Variants in OTOGL observed in about 807,000 individuals in gnomAD.
OTOGL encodes the protein otogelin like.
Under a neutral mutation model 318.5 loss-of-function variants are expected in OTOGL, and 285 were observed. The observed-to-expected ratio is 0.89, with a 90% CI of 0.81 to 0.99. OTOGL has a LOEUF of 0.99. Among genes scored for constraint, OTOGL ranks in the 50% least tolerant of loss-of-function variants. The pLI, the probability that OTOGL is intolerant of heterozygous loss-of-function variation, is 0.00. For synonymous variants in OTOGL, 987 were observed against 936.5 expected (o/e 1.05, Z -0.99); for missense variants, 2,899 against 2,845.6 (o/e 1.02, Z -0.43).
At chr12:80,143,203 G>A (rs1220437019) in intron 1 of OTOGL, among the ~76,000 whole-genome samples, 1 of 152,050 alleles carries the variant, frequency 6.6e-6, no homozygotes, top group Admixed American at 6.6e-5. Flanking sequence ...TGATAATAGG[G>A]TGCTACCCCA....
intron 1 of OTOGL, among the ~76,000 whole-genome samples, chr12:80,149,394 A>C (rs1872623115): frequency 6.6e-6 from 1 of 152,214 alleles, no homozygotes; most frequent in African/African-American, 2.4e-5. Flanking sequence ...GTCAGGGGTC[A>C]GGGACCCACT....
At chr12:80,198,960 T>G (rs1876276124) in intron 1 of OTOGL, among the ~76,000 whole-genome samples, 1 of 152,212 alleles carries the variant, frequency 6.6e-6, no homozygotes. Context: ...TGAGTGATCT[T>G]GAAATTAAAA....
chr12:80,285,630 T>C (rs1273426579), intron 26 of OTOGL, among the ~76,000 whole-genome samples: 2 of 152,156 alleles, frequency 1.3e-5, no homozygotes, highest in Non-Finnish European at 2.9e-5. Context: ...TTTATTTTCT[T>C]TATAGCAATT....
Position 80,358,862 on chromosome 12 carries a change from T to G in OTOGL, c.6229T>G (p.Cys2077Gly), listed in dbSNP as rs145929269. ...GQCCPTWHCE[C>G]NCENLIMPTC... Reference sequence around the variant, plus strand: ...ATATGTTGATTTTTGCCTTTTAGAATGTAACTGTGAAAACCTTATTATGCC... The same window carrying G: ...ATATGTTGATTTTTGCCTTTTAGAAGGTAACTGTGAAAACCTTATTATGCC... The change falls in exon 52 of 59, where the codon TGT (cysteine) becomes GGT (glycine). Residue 2077 changes from cysteine to glycine, a missense_variant and splice_region_variant. By Grantham distance (159) the Cys-to-Gly change is radical. Transcript: ENST00000547103. 1.9e-4 allele frequency: 296 copies of G among 1,521,632 alleles called. 3 individuals carry two copies. The African/African-American group carries it at 3.1e-3, about 16-fold the overall frequency. 94.3% of individuals were successfully genotyped at this position (1,521,632 alleles called of 1,614,324 possible). A position where few individuals can be genotyped will look rare whatever the true frequency, so the allele number is the denominator to read the frequency against.
In OTOGL at chr12:80,320,551, A is replaced by T. The variant is rs1291310443; in HGVS notation, c.3932A>T (p.His1311Leu). 6.2e-7 allele frequency: 1 copy of T among 1,613,614 alleles called. No individual in the cohort carries two copies. Among genetic ancestry groups the T allele is most frequent in the African/African-American group, 1.3e-5 (1 of 75,018 alleles). ...TTTCATCGGAGAGCAACATTTTTCC[A>T]CCATCAGGGCCTCTGGATTCCTGGT... ...SAFHRRATFF[H>L]HQGLWIPGYS... Residue 1311 changes from histidine (H) to leucine (L), a missense_variant, in exon 34 of 59, where the codon CAC becomes CTC. His to Leu is a moderately conservative substitution (Grantham distance 99). Transcript: ENST00000547103.
At chr12:80,191,025 GAACA>G (rs1481633688) in intron 1 of OTOGL, among the ~76,000 whole-genome samples, 1 of 152,186 alleles carries the variant, frequency 6.6e-6, no homozygotes, top group Non-Finnish European at 1.5e-5. Flanking sequence ...AGTGGGATGG[GAACA>G]GACAGGAGTA....
At chr12:80,325,599 A>G (rs562360679) in intron 35 of OTOGL, among the ~76,000 whole-genome samples, 1 of 152,192 alleles carries the variant, frequency 6.6e-6, no homozygotes, top group South Asian at 2.1e-4. Flanking sequence ...AGAAAATGAT[A>G]TTACTGTTTA....
intron 20 of OTOGL, 133 bp from the exon 21 acceptor site, chr12:80,266,318 C>T: frequency 1.1e-6 from 1 of 911,648 alleles, no homozygotes; most frequent in Non-Finnish European, 1.6e-6. Context: ...TTTGAGCATC[C>T]AAGTTAAGGG....
chr12:80,308,730 C>T (rs549912430), intron 29 of OTOGL, among the ~76,000 whole-genome samples: 5 of 152,306 alleles, frequency 3.3e-5, no homozygotes, highest in East Asian at 3.9e-4. Context: ...CTTGGGAGGC[C>T]GAGGCTGGCG....
At chr12:80,285,845 C>T (rs1382834539) in intron 26 of OTOGL, among the ~76,000 whole-genome samples, 1 of 152,034 alleles carries the variant, frequency 6.6e-6, no homozygotes, top group Admixed American at 6.6e-5. Flanking sequence ...TTCTCTCTTC[C>T]TATTTGAATA....
chr12:80,187,274 T>C (rs1875358966), intron 1 of OTOGL, among the ~76,000 whole-genome samples: 1 of 151,968 alleles, frequency 6.6e-6, no homozygotes, highest in Admixed American at 6.6e-5. Context: ...TGTTTTTTTT[T>C]TTTATACCGA....
chr12:80,111,684 T>C (rs551506788), intron 1 of OTOGL, among the ~76,000 whole-genome samples: 2 of 152,356 alleles, frequency 1.3e-5, no homozygotes, highest in African/African-American at 4.8e-5. Flanking sequence ...GGTAGCGTGA[T>C]GCCTCCAGCT....
intron 11 of OTOGL, among the ~76,000 whole-genome samples, chr12:80,240,575 A>C (rs1239413530): frequency 6.6e-6 from 1 of 152,112 alleles, no homozygotes; most frequent in Non-Finnish European, 1.5e-5. Flanking sequence ...GTCTGTAACA[A>C]TGGAAAATGA....
chr12:80,278,570 G>A (rs922248943), intron 25 of OTOGL, among the ~76,000 whole-genome samples: 1 of 151,446 alleles, frequency 6.6e-6, no homozygotes, highest in African/African-American at 2.4e-5. Flanking sequence ...AGAAAAGACC[G>A]TATTTAATGG....
intron 18 of OTOGL, among the ~76,000 whole-genome samples, chr12:80,260,316 G>A (rs2137538635): frequency 6.6e-6 from 1 of 152,168 alleles, no homozygotes; most frequent in Admixed American, 6.5e-5. Context: ...CACCACACTT[G>A]AGAAGCAGAA....
intron 5 of OTOGL, among the ~76,000 whole-genome samples, chr12:80,218,997 C>T (rs1878018570): frequency 6.6e-6 from 1 of 151,870 alleles, no homozygotes; most frequent in African/African-American, 2.4e-5. Flanking sequence ...GTAATTGAGC[C>T]TGAGGATTAA....
chr12:80,207,745 T>C (rs56118229), intron 1 of OTOGL, among the ~76,000 whole-genome samples: 1,542 of 152,302 alleles, frequency 0.01, 19 homozygotes, highest in African/African-American at 0.036. Flanking sequence ...ATTCCCTTAA[T>C]TAAAAATATT....
At chr12:80,123,572 C>T (rs958312650) in intron 1 of OTOGL, among the ~76,000 whole-genome samples, 2 of 152,156 alleles carry the variant, frequency 1.3e-5, no homozygotes, top group African/African-American at 2.4e-5. Flanking sequence ...ATGGCTGGGT[C>T]AAATGGTATT....
intron 26 of OTOGL, among the ~76,000 whole-genome samples, chr12:80,280,654 G>T (rs955752191): frequency 2.6e-5 from 4 of 151,534 alleles, no homozygotes; most frequent in African/African-American, 9.7e-5. Flanking sequence ...CATTGTGTCT[G>T]TTTTTGTGCC....
Sources: gnomAD v4.1 joint callset for allele counts (sites outside exome capture counted in the v4.1 genomes callset) on GRCh38, gnomAD v4.1.1 for gene constraint, MANE v1.5 for transcripts, NCBI Gene and HGNC (gene_info 2026-07-23, HGNC 2026-07-21) for gene names.